Variants in UGT2B7 observed in about 807,000 individuals in gnomAD.
The protein encoded by UGT2B7 is UDP-glucuronosyltransferase 2B7.
A neutral mutation model predicts 51.9 loss-of-function variants in UGT2B7; 51 were observed. The ratio of observed to expected loss-of-function variants is 0.98; its 90% CI spans 0.78 to 1.24. The LOEUF (loss-of-function observed/expected upper bound fraction) is 1.24. Ranked by LOEUF, UGT2B7 falls within the 50% of genes most tolerant of loss-of-function variation. The probability of loss-of-function intolerance (pLI) is 0.00; values close to 1 mark genes in which losing one functional copy is unlikely to be tolerated. For synonymous variants in UGT2B7, 225 were observed against 211.6 expected (o/e 1.06, Z -0.55); for missense variants, 727 against 628.4 (o/e 1.16, Z -1.68).
At chr4:69,107,746 C>G (rs777366938) in intron 4 of UGT2B7, among the ~76,000 whole-genome samples, 2 of 152,154 alleles carry the variant, frequency 1.3e-5, no homozygotes, top group Non-Finnish European at 2.9e-5. Flanking sequence ...CACCAAACCA[C>G]TGCCTGCTGC....
At chr4:69,064,574 T>C (rs1718448024) in intron 1 of UGT2B7, among the ~76,000 whole-genome samples, 1 of 152,172 alleles carries the variant, frequency 6.6e-6, no homozygotes, top group South Asian at 2.1e-4. Context: ...TTATGAACTA[T>C]CACAATTTGA....
rs757210767 is a variant in UGT2B7 at position 69,102,869 on chromosome 4, A to C, written c.933A>C (p.Ser311=). The C allele has an allele frequency of 3.7e-6, 6 of 1,613,702 alleles. No individual in the cohort carries two copies. The highest frequency in any genetic ancestry group is 8.5e-7 in the Non-Finnish European group (1 of 1,179,742). Residue 311 remains serine (S), a synonymous_variant, in exon 3 of 6, where the codon TCA becomes TCC. Coordinates refer to ENST00000305231, the MANE Select transcript of UGT2B7 (RefSeq NM_001074.4). ...GTGTTGTGGTGTTTTCTCTGGGGTCAATGGTCAGTAACATGACAGAAGAAA... is the reference window on the plus strand; with the variant it reads ...GTGTTGTGGTGTTTTCTCTGGGGTCCATGGTCAGTAACATGACAGAAGAAA... ...ENGVVVFSLG[S]MVSNMTEERA... is the part of the protein sequence containing the mutation.
At chr4:69,080,176 T>C (rs1718804386) in intron 1 of UGT2B7, among the ~76,000 whole-genome samples, 1 of 152,138 alleles carries the variant, frequency 6.6e-6, no homozygotes, top group Non-Finnish European at 1.5e-5. Flanking sequence ...ACATTTGTTG[T>C]ATCAAAGCAC....
intron 3 of UGT2B7, among the ~76,000 whole-genome samples, chr4:69,105,874 T>C (rs1256609274): frequency 6.6e-6 from 1 of 152,090 alleles, no homozygotes; most frequent in Non-Finnish European, 1.5e-5. Flanking sequence ...TATAACAACC[T>C]ACACACAAGT....
Position 69,096,596 on chromosome 4 carries a change from G to A in UGT2B7, c.76G>A (p.Val26Met). The change falls in exon 1 of 6, where the codon GTG becomes ATG. Residue 26 changes from valine (V) to methionine (M), a missense_variant. Coordinates refer to ENST00000305231, the MANE Select transcript of UGT2B7 (RefSeq NM_001074.4). ...FCFSSGNCGK[V>M]LVWAAEYSHW... Reference sequence around the variant, plus strand: ...CTTTAGCTCTGGGAATTGTGGAAAGGTGCTGGTGTGGGCAGCAGAATACAG... The same window carrying A: ...CTTTAGCTCTGGGAATTGTGGAAAGATGCTGGTGTGGGCAGCAGAATACAG... 2 of 1,614,008 alleles carry A rather than the reference G, an allele frequency of 1.2e-6. No individual in the cohort carries two copies. Among genetic ancestry groups the A allele is most frequent in the Non-Finnish European group, 1.7e-6 (2 of 1,179,902 alleles).
chr4:69,073,723 A>G (rs1718645824), intron 1 of UGT2B7, among the ~76,000 whole-genome samples: 1 of 127,118 alleles, frequency 7.9e-6, no homozygotes. Context: ...GATCAAGAAA[A>G]CAACTAGAAA....
At chr4:69,101,462 G>A (rs960474962) in intron 2 of UGT2B7, among the ~76,000 whole-genome samples, 2 of 151,824 alleles carry the variant, frequency 1.3e-5, no homozygotes, top group African/African-American at 2.4e-5. Flanking sequence ...AAAGAGGCTC[G>A]ATTCCTTCAA....
At chr4:69,057,145 C>T (rs549814385) in intron 1 of UGT2B7, among the ~76,000 whole-genome samples, 6 of 152,350 alleles carry the variant, frequency 3.9e-5, no homozygotes, top group Admixed American at 1.3e-4. Flanking sequence ...TCATGCACCA[C>T]CTGCTTGCTC....
rs191714977 is a variant in UGT2B7, at chr4:69,062,572, C to T, written c.-159+10970C>T. ...TTGCAGGTATCGTGCCTTGGATCCA[C>T]CACAGTCAGCTGAAATTATCAGCCC... On this transcript the variant is annotated intron_variant, in intron 1 of 5. Transcript: ENST00000502942. 1.9e-3 allele frequency among the ~76,000 whole-genome samples: 291 copies of T among 152,266 alleles called. 2 individuals carry two copies. Among genetic ancestry groups the T allele is most frequent in the Admixed American group, 0.013 (199 of 15,280 alleles).
intron 1 of UGT2B7, among the ~76,000 whole-genome samples, chr4:69,052,909 T>A (rs541157069): frequency 2.5e-3 from 375 of 152,230 alleles, no homozygotes; most frequent in Admixed American, 4.4e-3. Context: ...ATTAAAAGGT[T>A]AAAAAAATTA....
At position 69,084,773 on chromosome 4, in the gene UGT2B7, T is replaced by C. The variant is rs140057180; in HGVS notation, c.-158-4699T>C. Reference sequence around the variant, plus strand: ...GAGAATGATGGTTTCCAGCTTGGTCTGTGTCCCTACAAAGGGCATGAACTC... The same window carrying C: ...GAGAATGATGGTTTCCAGCTTGGTCCGTGTCCCTACAAAGGGCATGAACTC... On this transcript the variant is annotated intron_variant, in intron 1 of 5. Coordinates refer to the UGT2B7 transcript ENST00000502942. Among the ~76,000 whole-genome samples the C allele has an allele frequency of 2.3e-3, 355 of 152,256 alleles. 2 individuals are homozygous for C. The highest frequency in any genetic ancestry group is 8.3e-3 in the African/African-American group (343 of 41,570).
chr4:69,062,432 C>G (rs1199328340), intron 1 of UGT2B7, among the ~76,000 whole-genome samples: 1 of 152,212 alleles, frequency 6.6e-6, no homozygotes, highest in Non-Finnish European at 1.5e-5. Flanking sequence ...AGACCCAGTA[C>G]ACCCTTTCAA....
intron 1 of UGT2B7, among the ~76,000 whole-genome samples, chr4:69,098,267 A>G (rs1719305020): frequency 6.6e-6 from 1 of 152,042 alleles, no homozygotes; most frequent in Non-Finnish European, 1.5e-5. Flanking sequence ...GCTCATTTTA[A>G]TAATTGTTTA....
chr4:69,068,097 C>T (rs762686292), intron 1 of UGT2B7, among the ~76,000 whole-genome samples: 4 of 151,958 alleles, frequency 2.6e-5, no homozygotes, highest in Non-Finnish European at 5.9e-5. Context: ...CATAATAAAA[C>T]AAATAAACAT....
At chr4:69,053,501 C>T (rs563516676) in intron 1 of UGT2B7, among the ~76,000 whole-genome samples, 42 of 152,316 alleles carry the variant, frequency 2.8e-4, no homozygotes, top group African/African-American at 8.7e-4. Flanking sequence ...CCTAATTGTC[C>T]CCTTTCCACT....
At chr4:69,051,681 G>T (rs1358914443) in intron 1 of UGT2B7, 1 of 152,326 alleles carries the variant, frequency 6.6e-6, no homozygotes, top group Non-Finnish European at 1.5e-5. Flanking sequence ...GCCTGTATTG[G>T]CACCTTTGTT....
intron 2 of UGT2B7, among the ~76,000 whole-genome samples, chr4:69,101,954 A>G (rs571702770): frequency 6.6e-6 from 1 of 152,298 alleles, no homozygotes; most frequent in South Asian, 2.1e-4. Flanking sequence ...GAGACACAAC[A>G]AAGTGATGAT....
upstream of UGT2B7, among the ~76,000 whole-genome samples, chr4:69,092,833 G>A (rs191925314): frequency 4.7e-3 from 719 of 151,404 alleles, 2 homozygotes; most frequent in Non-Finnish European, 8.7e-3. Flanking sequence ...ACCAATGAAA[G>A]AATAATCAAA....
At position 69,096,500 on chromosome 4, in the gene UGT2B7, C is replaced by G. The variant is rs769046216; in HGVS notation, c.-21C>G. ...ACAGAAAGGAACAGCAACTGGAAAA[C>G]AAGCATTGCATTGCACCAGGATGTC... On this transcript the variant is annotated 5_prime_UTR_variant, in exon 1 of 6. Coordinates refer to ENST00000305231, the MANE Select transcript of UGT2B7 (RefSeq NM_001074.4). The G allele has an allele frequency of 6.2e-7, 1 of 1,611,460 alleles. No individual in the cohort carries two copies. The highest frequency in any genetic ancestry group is 8.5e-7 in the Non-Finnish European group (1 of 1,179,240).
Sources: allele counts gnomAD v4.1 joint callset (sites outside exome capture counted in the v4.1 genomes callset), GRCh38; gene constraint gnomAD v4.1.1; transcripts MANE v1.5; gene names NCBI Gene and HGNC (gene_info 2026-07-23, HGNC 2026-07-21).